The following TSHZ3 variants were observed in gnomAD, a reference collection of about 807,000 sequenced individuals.
The protein encoded by TSHZ3 is teashirt zinc finger homeobox 3.
A neutral mutation model predicts 64.5 loss-of-function variants in TSHZ3; 10 were observed. That is an observed-to-expected ratio of 0.16 (90% CI 0.10 to 0.26). The LOEUF is 0.26. Among genes scored for constraint, TSHZ3 ranks in the 10% least tolerant of loss-of-function variants. The pLI is 1.00. For missense variants in TSHZ3, 1,242 were observed against 1,421.7 expected (o/e 0.87, Z 2.03); for synonymous variants, 608 against 593.1 (o/e 1.03, Z -0.36).
intron 5 of TSHZ3, among the ~76,000 whole-genome samples, chr19:31,180,874 G>A (rs1200712375): frequency 6.6e-6 from 1 of 152,122 alleles, no homozygotes; most frequent in Non-Finnish European, 1.5e-5. Context: ...ATGTAATTCT[G>A]TATCTACTAC....
chr19:31,195,594 G>A (rs1421355292), intron 5 of TSHZ3: 4 of 151,828 alleles, frequency 2.6e-5, no homozygotes, highest in Non-Finnish European at 5.9e-5. Context: ...CAGCAGACCT[G>A]CCTTGCAAGA....
chr19:31,197,305 G>T (rs1029516041), intron 5 of TSHZ3, among the ~76,000 whole-genome samples: 5 of 151,684 alleles, frequency 3.3e-5, no homozygotes. Context: ...TGCAGCAAAA[G>T]CAGTGCTTAC....
intron 4 of TSHZ3, chr19:31,207,714 C>T (rs1054555140): frequency 1.3e-5 from 2 of 152,186 alleles, no homozygotes; most frequent in Non-Finnish European, 2.9e-5. Context: ...TCACAAAGTT[C>T]CCAAGAAAGA....
chr19:31,186,761 T>C (rs1974815991), intron 5 of TSHZ3, among the ~76,000 whole-genome samples: 1 of 152,214 alleles, frequency 6.6e-6, no homozygotes, highest in African/African-American at 2.4e-5. Context: ...AGTATTTCAG[T>C]GATTCTGTAT....
chr19:31,316,502 C>T (rs915884700), intron 1 of TSHZ3, among the ~76,000 whole-genome samples: 1 of 152,190 alleles, frequency 6.6e-6, no homozygotes, highest in African/African-American at 2.4e-5. Context: ...AAGATGCTGG[C>T]GTGTTTCAGT....
chr19:31,289,616 C>A (rs2145127892), intron 1 of TSHZ3, among the ~76,000 whole-genome samples: 1 of 152,292 alleles, frequency 6.6e-6, no homozygotes, highest in African/African-American at 2.4e-5. Context: ...CTGCATGGAT[C>A]TGACTGGAGA....
chr19:31,317,948 G>A (rs1192772351), intron 1 of TSHZ3, among the ~76,000 whole-genome samples: 3 of 152,316 alleles, frequency 2.0e-5, no homozygotes, highest in East Asian at 1.9e-4. Context: ...CTGCAGGACT[G>A]TAAAAGCTCC....
At chr19:31,209,039 C>T (rs920335612) in intron 4 of TSHZ3, among the ~76,000 whole-genome samples, 4 of 152,114 alleles carry the variant, frequency 2.6e-5, no homozygotes, top group African/African-American at 9.7e-5. Flanking sequence ...GATTGAGGAT[C>T]TCAAGAATGA....
intron 1 of TSHZ3, among the ~76,000 whole-genome samples, chr19:31,244,246 G>T (rs577098192): frequency 5.0e-4 from 76 of 152,190 alleles, no homozygotes; most frequent in African/African-American, 1.7e-3. Flanking sequence ...TCTCTTGATA[G>T]TGAGTGAGTG....
chr19:31,297,888 T>C (rs1220865093), intron 1 of TSHZ3, among the ~76,000 whole-genome samples: 3 of 152,146 alleles, frequency 2.0e-5, no homozygotes, highest in Admixed American at 6.5e-5. Context: ...ATCCCTGCCC[T>C]AATGCGTACT....
intron 1 of TSHZ3, among the ~76,000 whole-genome samples, chr19:31,263,228 C>T (rs991179249): frequency 3.9e-5 from 6 of 152,136 alleles, no homozygotes; most frequent in African/African-American, 1.2e-4. Flanking sequence ...TTCTCAAGGC[C>T]GTTGAACCCA....
chr19:31,175,621 T>G (rs548235558), intron 5 of TSHZ3, among the ~76,000 whole-genome samples: 1 of 152,278 alleles, frequency 6.6e-6, no homozygotes, highest in Non-Finnish European at 1.5e-5. Context: ...GGCAGGGTCT[T>G]CAGGAAAGGG....
At chr19:31,249,600 C>G (rs1599604393) in intron 1 of TSHZ3, among the ~76,000 whole-genome samples, 1 of 152,332 alleles carries the variant, frequency 6.6e-6, no homozygotes, top group Non-Finnish European at 1.5e-5. Context: ...TTGAATTCCT[C>G]AGGCAGTTTA....
At chr19:31,329,122 GA>G (rs1917006053) in intron 1 of TSHZ3, among the ~76,000 whole-genome samples, 1 of 152,304 alleles carries the variant, frequency 6.6e-6, no homozygotes, top group East Asian at 1.9e-4. Context: ...GTATTGCACT[GA>G]AAACGGATAT....
intron 5 of TSHZ3, among the ~76,000 whole-genome samples, chr19:31,176,922 T>C (rs941355374): frequency 4.6e-5 from 7 of 152,180 alleles, no homozygotes; most frequent in Non-Finnish European, 8.8e-5. Context: ...AGGGCTCTCA[T>C]GCCCTGCTGG....
chr19:31,218,443 A>G (rs956156653), intron 4 of TSHZ3, among the ~76,000 whole-genome samples: 1 of 152,188 alleles, frequency 6.6e-6, no homozygotes, highest in Non-Finnish European at 1.5e-5. Context: ...ACTTTCATTC[A>G]TTGTTGGTAG....
intron 5 of TSHZ3, among the ~76,000 whole-genome samples, chr19:31,168,192 A>G (rs1206072108): frequency 2.0e-5 from 3 of 152,042 alleles, no homozygotes; most frequent in Middle Eastern, 3.2e-3. Flanking sequence ...TATGCATGCC[A>G]TTGTTGCTGT....
Position 31,279,096 on chromosome 19 carries a change from T to G in TSHZ3, c.697A>C (p.Met233Leu). ...YDTLVELTVHMNETGHYRDDN... is the reference protein window; with the variant it reads ...YDTLVELTVHLNETGHYRDDN... ...TCGCGGTAATGCCCCGTCTCGTTCATGTGCACCGTCAACTCCACCAGGGTG... is the reference window on the plus strand; with the variant it reads ...TCGCGGTAATGCCCCGTCTCGTTCAGGTGCACCGTCAACTCCACCAGGGTG... Residue 233 changes from methionine (M) to leucine (L), a missense_variant, in exon 2 of 2, where the codon ATG becomes CTG. Physicochemically the swap from Met to Leu is conservative, Grantham distance 15 (BLOSUM62 2). Around this residue, in one of 4 missense-constraint regions of TSHZ3, gnomAD observed 555 missense variants for 704.0 expected, o/e 0.79. Coordinates refer to ENST00000240587, the MANE Select transcript of TSHZ3 (RefSeq NM_020856.4). The surrounding 1 kb of genome is among the most constrained non-coding windows in gnomAD (Gnocchi z 6.4). The G allele has an allele frequency of 6.2e-7, 1 of 1,613,994 alleles. No homozygotes were observed. The highest frequency in any genetic ancestry group is 8.5e-7 in the Non-Finnish European group (1 of 1,179,950).
intron 5 of TSHZ3, among the ~76,000 whole-genome samples, chr19:31,198,514 A>G (rs1487372792): frequency 3.3e-5 from 5 of 152,166 alleles, no homozygotes; most frequent in Non-Finnish European, 7.4e-5. Context: ...TCACAGTGAC[A>G]TGATTGCCTA....
Sources: allele counts gnomAD v4.1 joint callset (sites outside exome capture counted in the v4.1 genomes callset), GRCh38; gene constraint gnomAD v4.1.1; regional missense constraint gnomAD v4.1.1; non-coding constraint Gnocchi (gnomAD v3.1); transcripts MANE v1.5; gene names NCBI Gene and HGNC (gene_info 2026-07-23, HGNC 2026-07-21).